The following TMEM132D variants were observed in gnomAD, a reference collection of about 807,000 sequenced individuals.
The protein encoded by TMEM132D is transmembrane protein 132D, also known as mature OL transmembrane protein.
In TMEM132D, 21 loss-of-function variants were observed where a neutral mutation model predicts 62.3. The observed-to-expected ratio is 0.34, with a 90% CI of 0.24 to 0.49. The LOEUF (loss-of-function observed/expected upper bound fraction) is 0.49, where lower values mean the gene tolerates loss of function less well. Among genes scored for constraint, TMEM132D ranks in the 20% least tolerant of loss-of-function variants. The pLI is 0.99. For synonymous variants in TMEM132D, 621 were observed against 575.6 expected, an observed-to-expected ratio of 1.08 and a Z score of -1.13; for missense variants, 1,346 against 1,402.8, an observed-to-expected ratio of 0.96 and a Z score of 0.65.
At chr12:129,666,798 T>C (rs1454211639) in intron 2 of TMEM132D, among the ~76,000 whole-genome samples, 2 of 152,314 alleles carry the variant, frequency 1.3e-5, no homozygotes, top group East Asian at 3.9e-4. Context: ...TGAAATTGAG[T>C]TACTGGAGAA....
At chr12:129,800,218 G>T (rs1871720746) in intron 1 of TMEM132D, among the ~76,000 whole-genome samples, 1 of 152,094 alleles carries the variant, frequency 6.6e-6, no homozygotes, top group Admixed American at 6.6e-5. Context: ...CACAAATCTT[G>T]CTATAATCTT....
chr12:129,614,613 A>G (rs1593089523), intron 2 of TMEM132D, among the ~76,000 whole-genome samples: 1 of 152,332 alleles, frequency 6.6e-6, no homozygotes, highest in Middle Eastern at 3.4e-3. Context: ...AGGAAGAAGC[A>G]AAATCTGATC....
At chr12:129,223,707 A>T (rs560948169) in intron 4 of TMEM132D, among the ~76,000 whole-genome samples, 2 of 152,256 alleles carry the variant, frequency 1.3e-5, no homozygotes, top group African/African-American at 2.4e-5. Context: ...TCTTTGGTTC[A>T]TCTCTGGTGT....
intron 1 of TMEM132D, among the ~76,000 whole-genome samples, chr12:129,806,928 G>T (rs2137312213): frequency 6.6e-6 from 1 of 152,174 alleles, no homozygotes; most frequent in African/African-American, 2.4e-5. Context: ...CAGCTACTTG[G>T]GAGGCTGAAG....
chr12:129,257,798 C>T (rs1304445339), intron 4 of TMEM132D, among the ~76,000 whole-genome samples: 4 of 152,162 alleles, frequency 2.6e-5, no homozygotes, highest in Non-Finnish European at 5.9e-5. Flanking sequence ...CATCCCAATA[C>T]CACGTGGGGA....
chr12:129,222,545 T>C (rs1879376857), intron 4 of TMEM132D, among the ~76,000 whole-genome samples: 1 of 152,244 alleles, frequency 6.6e-6, no homozygotes, highest in African/African-American at 2.4e-5. Context: ...TGAAATTTTA[T>C]CTCTGACTGC....
chr12:129,483,590 A>T (rs1274991603), intron 3 of TMEM132D, among the ~76,000 whole-genome samples: 1 of 152,276 alleles, frequency 6.6e-6, no homozygotes, highest in Non-Finnish European at 1.5e-5. Context: ...AGAAAAAGCC[A>T]GTTAATCTGA....
chr12:129,496,723 A>G (rs990230507), intron 3 of TMEM132D, among the ~76,000 whole-genome samples: 2 of 152,134 alleles, frequency 1.3e-5, no homozygotes, highest in Non-Finnish European at 2.9e-5. Context: ...AAAATGCAAA[A>G]GGCTTGAATG....
chr12:129,355,543 G>A (rs984196825), intron 3 of TMEM132D, among the ~76,000 whole-genome samples: 2 of 152,116 alleles, frequency 1.3e-5, no homozygotes, highest in African/African-American at 2.4e-5. Context: ...TTAGAGAGAA[G>A]GCGAATCTAG....
intron 2 of TMEM132D, among the ~76,000 whole-genome samples, chr12:129,665,329 G>A (rs1880350894): frequency 6.6e-6 from 1 of 152,140 alleles, no homozygotes; most frequent in Non-Finnish European, 1.5e-5. Flanking sequence ...TACCAGCATT[G>A]GAAGCTGCTC....
chr12:129,397,399 C>T (rs1871462677), intron 3 of TMEM132D, among the ~76,000 whole-genome samples: 1 of 152,162 alleles, frequency 6.6e-6, no homozygotes, highest in African/African-American at 2.4e-5. Context: ...GTCTTTAAAA[C>T]ATGCCCAGTC....
intron 5 of TMEM132D, among the ~76,000 whole-genome samples, chr12:129,151,548 G>A (rs903837348): frequency 5.9e-5 from 9 of 152,158 alleles, no homozygotes; most frequent in Admixed American, 3.3e-4. Flanking sequence ...GGTGACATGC[G>A]GCTGAAAGGC....
In TMEM132D at chr12:129,654,871, C is replaced by G. The variant is rs527812717; in HGVS notation, c.968+44939G>C. Among the ~76,000 whole-genome samples, 3 of 152,306 alleles carry G rather than the reference C, an allele frequency of 2.0e-5. No homozygotes were observed. In the South Asian group the frequency reaches 6.2e-4, roughly 32 times the overall value. ...ACAGAGAGAGAAACTTCTAAAAACA[C>G]AAACAAACGAACACATTTTCATCCA... On this transcript the variant is annotated intron_variant, in intron 2 of 8. Transcript: ENST00000422113.
chr12:129,272,629 A>G (rs1593318883), intron 4 of TMEM132D, among the ~76,000 whole-genome samples: 1 of 145,452 alleles, frequency 6.9e-6, no homozygotes, highest in South Asian at 2.2e-4. Flanking sequence ...CTGCCTGCTT[A>G]TTTGTTTTTT....
At chr12:129,118,077 T>A (rs1365809054) in intron 5 of TMEM132D, among the ~76,000 whole-genome samples, 1 of 152,228 alleles carries the variant, frequency 6.6e-6, no homozygotes, top group Admixed American at 6.5e-5. Flanking sequence ...CTTAACCATG[T>A]ATTTTCCTCT....
intron 2 of TMEM132D, among the ~76,000 whole-genome samples, chr12:129,628,634 G>A (rs771577323): frequency 3.3e-5 from 5 of 152,158 alleles, no homozygotes; most frequent in Admixed American, 6.5e-5. Flanking sequence ...CCTCATCGGG[G>A]AATCATTCAG....
At chr12:129,138,320 T>C (rs191938593) in intron 5 of TMEM132D, among the ~76,000 whole-genome samples, 7 of 152,352 alleles carry the variant, frequency 4.6e-5, no homozygotes, top group Non-Finnish European at 8.8e-5. Flanking sequence ...ACACAATGTA[T>C]GTATTGGCTA....
chr12:129,255,564 T>C (rs1880378236), intron 4 of TMEM132D, among the ~76,000 whole-genome samples: 1 of 152,244 alleles, frequency 6.6e-6, no homozygotes, highest in Admixed American at 6.5e-5. Flanking sequence ...AATGCAATTA[T>C]GTTCTAAAAC....
chr12:129,565,360 A>G (rs757611857), intron 2 of TMEM132D, among the ~76,000 whole-genome samples: 1 of 152,214 alleles, frequency 6.6e-6, no homozygotes, highest in Non-Finnish European at 1.5e-5. Flanking sequence ...GTTTGACCCA[A>G]TAAAAACCAC....
Sources: allele counts gnomAD v4.1 joint callset (sites outside exome capture counted in the v4.1 genomes callset), GRCh38; gene constraint gnomAD v4.1.1; transcripts MANE v1.5; gene names NCBI Gene and HGNC (gene_info 2026-07-23, HGNC 2026-07-21).